Variants in ANO10 observed in about 807,000 individuals in gnomAD.
The protein encoded by ANO10 is anoctamin 10, also known as anoctamin-10.
In ANO10, 77 loss-of-function variants were observed where a neutral mutation model predicts 74.7. The observed-to-expected ratio is 1.03, with a 90% CI of 0.86 to 1.25. The LOEUF (loss-of-function observed/expected upper bound fraction) is 1.25. ANO10 is among the 50% of genes most tolerant of loss of function. The pLI, the probability that ANO10 is intolerant of heterozygous loss-of-function variation, is 0.00. For missense variants in ANO10, 721 were observed against 778.1 expected (o/e 0.93, Z 0.87); for synonymous variants, 279 against 284.9 (o/e 0.98, Z 0.21).
At chr3:43,567,367 A>G (rs528703636) in intron 7 of ANO10, among the ~76,000 whole-genome samples, 1 of 152,240 alleles carries the variant, frequency 6.6e-6, no homozygotes, top group Admixed American at 6.5e-5. Context: ...GAGCAACTCC[A>G]AGACACATAA....
rs186289565 is a variant in ANO10 at position 43,504,040 on chromosome 3, C to T, written c.1797+45680G>A. Reference sequence around the variant, plus strand: ...GCATTTTGGGAGGCTGAGGCCAAGGCGGTGGATCACCTGAGGCCAGGAGTT... The same window carrying T: ...GCATTTTGGGAGGCTGAGGCCAAGGTGGTGGATCACCTGAGGCCAGGAGTT... On this transcript the variant is annotated intron_variant, in intron 11 of 12. Coordinates refer to ENST00000292246, the MANE Select transcript of ANO10 (RefSeq NM_018075.5). Among the ~76,000 whole-genome samples, 465 of 151,930 alleles carry T rather than the reference C, an allele frequency of 3.1e-3. 4 individuals carry two copies. Among genetic ancestry groups the T allele is most frequent in the African/African-American group, 0.011 (443 of 41,450 alleles).
intron 1 of ANO10, among the ~76,000 whole-genome samples, chr3:43,651,247 C>G (rs1270861201): frequency 6.7e-6 from 1 of 148,678 alleles, no homozygotes; most frequent in Non-Finnish European, 1.5e-5. Flanking sequence ...GTGTGTCCTA[C>G]ACTGTTCTCA....
intron 1 of ANO10, among the ~76,000 whole-genome samples, chr3:43,684,180 A>T (rs1385333890): frequency 6.6e-6 from 1 of 152,210 alleles, no homozygotes; most frequent in African/African-American, 2.4e-5. Context: ...CAATCTACTC[A>T]TCTGACAAAG....
chr3:43,573,330 T>C (rs998423080), intron 7 of ANO10, among the ~76,000 whole-genome samples: 1 of 152,194 alleles, frequency 6.6e-6, no homozygotes, highest in South Asian at 2.1e-4. Flanking sequence ...TGAATTCTTA[T>C]CTCTTATGAC....
chr3:43,453,835 T>C (rs2075000547), intron 11 of ANO10, among the ~76,000 whole-genome samples: 1 of 152,058 alleles, frequency 6.6e-6, no homozygotes, highest in Admixed American at 6.5e-5. Context: ...CGGTATTACA[T>C]ATTGTATCCT....
intron 12 of ANO10, among the ~76,000 whole-genome samples, chr3:43,378,694 A>T (rs1237176466): frequency 6.6e-6 from 1 of 152,092 alleles, no homozygotes; most frequent in Non-Finnish European, 1.5e-5. Context: ...GTTCCTGGCC[A>T]GTTGAGAAGG....
At chr3:43,517,487 G>A (rs538411721) in intron 11 of ANO10, among the ~76,000 whole-genome samples, 239 of 152,164 alleles carry the variant, frequency 1.6e-3, no homozygotes, top group Non-Finnish European at 2.2e-3. Context: ...AAGTTGAAAG[G>A]GGTCATAAGG....
chr3:43,491,029 T>C (rs193267441), intron 11 of ANO10, among the ~76,000 whole-genome samples: 533 of 151,666 alleles, frequency 3.5e-3, no homozygotes, highest in Non-Finnish European at 5.8e-3. Context: ...GGGGGCGGGG[T>C]TTAAATGGCA....
chr3:43,691,178 T>A, intron 1 of ANO10: 1 of 833,456 alleles, frequency 1.2e-6, no homozygotes, highest in Non-Finnish European at 1.6e-6. Context: ...CTCCCCGGCA[T>A]GAGTCCGCGC....
intron 12 of ANO10, among the ~76,000 whole-genome samples, chr3:43,384,976 A>T (rs12491025): frequency 0.017 from 2,608 of 152,330 alleles, 195 homozygotes; most frequent in Admixed American, 0.13. Context: ...CAGCAGAGTT[A>T]ACAGACAACC....
At chr3:43,482,014 C>T (rs1477504250) in intron 11 of ANO10, among the ~76,000 whole-genome samples, 3 of 147,248 alleles carry the variant, frequency 2.0e-5, no homozygotes, top group East Asian at 2.0e-4. Flanking sequence ...CTGCAACCTT[C>T]GCCTCCTGGG....
intron 1 of ANO10, among the ~76,000 whole-genome samples, chr3:43,680,479 A>G (rs1386199359): frequency 1.3e-5 from 2 of 152,318 alleles, no homozygotes; most frequent in African/African-American, 4.8e-5. Flanking sequence ...AAGTGACGGG[A>G]AGAATGGAAC....
intron 12 of ANO10, among the ~76,000 whole-genome samples, chr3:43,399,806 C>T (rs2148866704): frequency 6.6e-6 from 1 of 152,284 alleles, no homozygotes; most frequent in South Asian, 2.1e-4. Context: ...CCCTGGGTAC[C>T]ATAGCCTTTC....
intron 11 of ANO10, among the ~76,000 whole-genome samples, chr3:43,443,639 C>T (rs1297978206): frequency 6.6e-6 from 1 of 150,696 alleles, no homozygotes; most frequent in Non-Finnish European, 1.5e-5. Flanking sequence ...GGGAGAACTG[C>T]TCAGTATGAA....
intron 1 of ANO10, among the ~76,000 whole-genome samples, chr3:43,640,635 C>A (rs1212847938): frequency 6.6e-6 from 1 of 152,166 alleles, no homozygotes; most frequent in Non-Finnish European, 1.5e-5. Context: ...ATGGTGAATT[C>A]TTTTACTAGC....
chr3:43,545,476 CT>C (rs2079147234), intron 11 of ANO10, among the ~76,000 whole-genome samples: 2 of 152,172 alleles, frequency 1.3e-5, no homozygotes. Context: ...AGCGATTCCC[CT>C]GCCTCAGTCT....
At chr3:43,519,866 T>C (rs2077874053) in intron 11 of ANO10, among the ~76,000 whole-genome samples, 1 of 152,152 alleles carries the variant, frequency 6.6e-6, no homozygotes. Flanking sequence ...AGAAGTGTTA[T>C]TTGTCTTGTT....
At position 43,477,679 on chromosome 3, in the gene ANO10, TA is replaced by T. The variant is rs976756909; in HGVS notation, c.1798-44953del. Among the ~76,000 whole-genome samples, 18 of 152,178 alleles carry T rather than the reference TA, an allele frequency of 1.2e-4. 1 individual carries two copies. Among genetic ancestry groups the T allele is most frequent in the Admixed American group, 6.5e-5 (1 of 15,278 alleles). On this transcript the variant is annotated intron_variant, in intron 11 of 12. Transcript: ENST00000292246. ...CCTGATGACAAATTACCCCTCATCT[TA>T]AATGTTCTAACATCCCCTATACTGT...
intron 11 of ANO10, among the ~76,000 whole-genome samples, chr3:43,525,743 C>T (rs539093976): frequency 6.3e-4 from 96 of 152,324 alleles, no homozygotes; most frequent in African/African-American, 1.9e-3. Context: ...GGAGCTGATG[C>T]ATTTTCAAAG....
Sources: allele counts gnomAD v4.1 joint callset (sites outside exome capture counted in the v4.1 genomes callset), GRCh38; gene constraint gnomAD v4.1.1; transcripts MANE v1.5; gene names NCBI Gene and HGNC (gene_info 2026-07-23, HGNC 2026-07-21).